RNF213: variants seen among roughly 807,000 people sequenced by gnomAD.
RNF213 encodes E3 ubiquitin-protein ligase RNF213.
Under a neutral mutation model 514.4 loss-of-function variants are expected in RNF213, and 341 were observed. That is an observed-to-expected ratio of 0.66 (90% confidence interval 0.61 to 0.73). The LOEUF (loss-of-function observed/expected upper bound fraction) is 0.73, where lower values mean the gene tolerates loss of function less well. RNF213 is among the 30% of genes least tolerant of loss of function. The pLI, the probability that RNF213 is intolerant of heterozygous loss-of-function variation, is 0.00. For missense variants in RNF213, 5,767 were observed against 6,615.6 expected, an observed-to-expected ratio of 0.87 and a Z score of 4.45; for synonymous variants, 2,655 against 2,658.2, an observed-to-expected ratio of 1.00 and a Z score of 0.04.
intron 22 of RNF213, among the ~76,000 whole-genome samples, chr17:80,334,702 C>T (rs1031795667): frequency 1.3e-5 from 2 of 151,774 alleles, no homozygotes; most frequent in Admixed American, 6.6e-5. Context: ...TCTTGGCTCA[C>T]TGCAAGCTCT....
intron 67 of RNF213, among the ~76,000 whole-genome samples, chr17:80,391,641 A>G (rs2080475975): frequency 6.6e-6 from 1 of 152,052 alleles, no homozygotes. Context: ...GCCGTGTGCC[A>G]CAGTGCTCTA....
chr17:80,389,924 C>G lies in RNF213; in HGVS notation c.15285+7C>G, dbSNP rs758495079. ...GCTGCTGCGGCTGCACAAAGTAAGT[C>G]TGGTCTCTTCCTCTCTGCTGGACAG... On this transcript the variant is annotated splice_region_variant and intron_variant, in intron 66 of 67. Transcript: ENST00000582970. 4.3e-6 allele frequency: 7 copies of G among 1,614,094 alleles called. No individual in the cohort carries two copies. The highest frequency in any genetic ancestry group is 1.7e-5 in the Admixed American group (1 of 60,032).
At chr17:80,292,423 C>T (rs996910673) in intron 8 of RNF213, among the ~76,000 whole-genome samples, 9 of 152,110 alleles carry the variant, frequency 5.9e-5, no homozygotes, top group Non-Finnish European at 1.0e-4. Context: ...AGAAGGGCTG[C>T]GGCTGGGAAC....
chr17:80,339,045 T>C (rs2078070947), intron 25 of RNF213, among the ~76,000 whole-genome samples, 156 bp from the exon 26 acceptor site: 1 of 151,788 alleles, frequency 6.6e-6, no homozygotes, highest in South Asian at 2.1e-4. Context: ...CTCAGGTGGG[T>C]TGTGTAGATG....
intron 16 of RNF213, among the ~76,000 whole-genome samples, chr17:80,318,534 C>T (rs540009692): frequency 3.9e-5 from 6 of 152,028 alleles, no homozygotes; most frequent in African/African-American, 7.2e-5. Flanking sequence ...GCCTGAGGCT[C>T]AAGGAAAATT....
chr17:80,264,728 C>A lies in RNF213; in HGVS notation c.97+950C>A, dbSNP rs2043548888. Among the ~76,000 whole-genome samples the A allele has an allele frequency of 6.6e-6, 1 of 152,102 alleles. No homozygotes were observed. Among genetic ancestry groups the A allele is most frequent in the Admixed American group, 6.6e-5 (1 of 15,252 alleles). ...ACAGCAGACAGTCAAACCACAGACC[C>A]CCTTACAAGATCCGCCCCTGCCCCC... On this transcript the variant is annotated intron_variant, in intron 2 of 67. Coordinates refer to ENST00000582970, the MANE Select transcript of RNF213 (RefSeq NM_001256071.3). The surrounding 1 kb of genome is among the most constrained non-coding windows in gnomAD (Gnocchi z 5.0).
chr17:80,274,609 TGG>T (rs1299110678), intron 3 of RNF213, among the ~76,000 whole-genome samples: 1 of 5,550 alleles, frequency 1.8e-4, no homozygotes, highest in Non-Finnish European at 4.1e-4. Context: ...GGGGTGAGTG[TGG>T]GGGGTGAGTG....
intron 14 of RNF213, among the ~76,000 whole-genome samples, chr17:80,309,778 C>T (rs1175500211): frequency 2.0e-5 from 3 of 151,468 alleles, no homozygotes; most frequent in Non-Finnish European, 4.4e-5. Context: ...TTTTTTAAGA[C>T]GGGGTCTCAC....
At chr17:80,379,469 G>A in intron 54 of RNF213, 151 bp from the exon 55 acceptor site, 2 of 768,594 alleles carry the variant, frequency 2.6e-6, no homozygotes, top group South Asian at 1.4e-5. Context: ...GTTCCCATGG[G>A]TTCTCCACCC....
chr17:80,304,761 C>G (rs1234695136), intron 11 of RNF213, among the ~76,000 whole-genome samples: 3 of 152,136 alleles, frequency 2.0e-5, no homozygotes, highest in Non-Finnish European at 2.9e-5. Flanking sequence ...TTTCAAGGCA[C>G]AGTTCCCTGG....
At chr17:80,269,389 A>C (rs1306361457) in intron 2 of RNF213, among the ~76,000 whole-genome samples, 1 of 151,856 alleles carries the variant, frequency 6.6e-6, no homozygotes, top group African/African-American at 2.4e-5. Context: ...CTATCCACCT[A>C]TCCATCTGTC....
At position 80,327,840 on chromosome 17, in the gene RNF213, A is replaced by G. The variant is rs2046318889; in HGVS notation, c.3218A>G (p.Asn1073Ser). 2.0e-6 allele frequency: 3 copies of G among 1,536,662 alleles called. No individual in the cohort carries two copies. The highest frequency in any genetic ancestry group is 1.7e-4 in the Middle Eastern group (1 of 5,990). Residue 1073 changes from asparagine (N) to serine (S), a missense_variant, in exon 19 of 68, where the codon AAT becomes AGT. Coordinates refer to ENST00000582970, the MANE Select transcript of RNF213 (RefSeq NM_001256071.3). ...GGAACCGACGAGAAAATACTAGCAA[A>G]TGTCACAGAGGATGCCAAGAGGCTG... ...LCGTDEKILA[N>S]VTEDAKRLIA...
At chr17:80,375,966 T>C (rs2079739371) in intron 51 of RNF213, 96 bp downstream of exon 51, 2 of 986,370 alleles carry the variant, frequency 2.0e-6, no homozygotes, top group East Asian at 2.4e-5. Context: ...CATACCATAA[T>C]TTTTTTATCT....
intron 47 of RNF213, among the ~76,000 whole-genome samples, 154 bp from the exon 48 acceptor site, chr17:80,372,367 G>A (rs2079550460): frequency 6.6e-6 from 1 of 152,078 alleles, no homozygotes; most frequent in Non-Finnish European, 1.5e-5. Flanking sequence ...AAAAAGGAAT[G>A]TTAGGTTTCC....
rs141209499 is a variant in RNF213 at position 80,386,359 on chromosome 17, C to T, written c.14649C>T (p.Leu4883=). Residue 4883 remains leucine, a synonymous_variant, in exon 62 of 68, where the codon CTC becomes CTT. Transcript: ENST00000582970. ...GCCTGGGCCTCTGTGCTACCGCTCT[C>T]GTCAGCTACTTGATTCGCCTACACA... ...RRGLGLCATA[L]VSYLIRLHNE... The T allele has an allele frequency of 1.2e-5, 19 of 1,614,052 alleles. No individual in the cohort carries two copies. In the East Asian group the frequency reaches 3.3e-4, roughly 28 times the overall value.
chr17:80,351,551 G>A lies in RNF213; in HGVS notation c.10185-134G>A, dbSNP rs114748029. 950 of 628,022 alleles carry A rather than the reference G, an allele frequency of 1.5e-3. 6 individuals carry two copies. The African/African-American group carries it at 0.015, about 10-fold the overall frequency. The allele number at this position is 628,022 out of a possible 1,614,324, so 38.9% of individuals were successfully genotyped here. A position where few individuals can be genotyped will look rare whatever the true frequency, so the allele number is the denominator to read the frequency against. Reference sequence around the variant, plus strand: ...AAGTTTATGTAAAACTCATCGGAACGGGTGGCCGTGAGACCGAACCAACAG... The same window carrying A: ...AAGTTTATGTAAAACTCATCGGAACAGGTGGCCGTGAGACCGAACCAACAG... On this transcript the variant is annotated intron_variant, in intron 31 of 67. Coordinates refer to ENST00000582970, the MANE Select transcript of RNF213 (RefSeq NM_001256071.3).
At chr17:80,289,237 G>C (rs755067662) in intron 5 of RNF213, among the ~76,000 whole-genome samples, 56 of 152,292 alleles carry the variant, frequency 3.7e-4, no homozygotes, top group Middle Eastern at 6.8e-3. Context: ...GGAAGGTCCC[G>C]AGCGGGGAAG....
chr17:80,378,119 C>T (rs1456169310), intron 54 of RNF213, among the ~76,000 whole-genome samples: 2 of 152,210 alleles, frequency 1.3e-5, no homozygotes, highest in African/African-American at 4.8e-5. Flanking sequence ...TAAAACCAGA[C>T]ATTGACAAAG....
rs745839370 is a variant in RNF213 at position 80,347,074 on chromosome 17, C to T, written c.8739C>T (p.Ser2913=). The change falls in exon 29 of 68, where the codon AGC becomes AGT. Residue 2913 remains serine (S), a synonymous_variant. Transcript: ENST00000582970. The surrounding 1 kb of genome is among the most constrained non-coding windows in gnomAD (Gnocchi z 7.2). ...GSPNETELIE[S]AKGICSSDIL... ...CCAACGAGACAGAGCTCATAGAGAGCGCCAAGGGCATCTGCTCCTCAGACA... is the reference window on the plus strand; with the variant it reads ...CCAACGAGACAGAGCTCATAGAGAGTGCCAAGGGCATCTGCTCCTCAGACA... 4.3e-6 allele frequency: 7 copies of T among 1,614,020 alleles called. No homozygotes were observed. Among genetic ancestry groups the T allele is most frequent in the South Asian group, 2.2e-5 (2 of 91,068 alleles).
Sources: allele counts gnomAD v4.1 joint callset (sites outside exome capture counted in the v4.1 genomes callset), GRCh38; gene constraint gnomAD v4.1.1; non-coding constraint Gnocchi (gnomAD v3.1); transcripts MANE v1.5; gene names NCBI Gene and HGNC (gene_info 2026-07-23, HGNC 2026-07-21).